The following PLCB1 variants were observed in gnomAD, a reference collection of about 807,000 sequenced individuals.
The protein encoded by PLCB1 is 1-phosphatidylinositol 4,5-bisphosphate phosphodiesterase beta-1.
Under a neutral mutation model 161.8 loss-of-function variants are expected in PLCB1, and 46 were observed. That is an observed-to-expected ratio of 0.28 (90% CI 0.22 to 0.36). PLCB1 has a LOEUF of 0.36. Among genes scored for constraint, PLCB1 ranks in the 10% least tolerant of loss-of-function variants. The pLI, the probability that PLCB1 is intolerant of heterozygous loss-of-function variation, is 1.00. For synonymous variants in PLCB1, 517 were observed against 503.7 expected (o/e 1.03, Z -0.35); for missense variants, 1,016 against 1,472.5 (o/e 0.69, Z 5.07).
chr20:8,182,943 C>T (rs985578914), intron 2 of PLCB1, among the ~76,000 whole-genome samples: 4 of 151,320 alleles, frequency 2.6e-5, no homozygotes, highest in African/African-American at 9.8e-5. Context: ...CCTTAACTAA[C>T]TATTAGAATA....
At chr20:8,179,072 C>T (rs544295275) in intron 2 of PLCB1, among the ~76,000 whole-genome samples, 2 of 152,258 alleles carry the variant, frequency 1.3e-5, no homozygotes, top group African/African-American at 4.8e-5. Flanking sequence ...TAATGTGATG[C>T]CTCCAGCTTT....
chr20:8,869,194 T>TTA (rs200553765), intron 31 of PLCB1, among the ~76,000 whole-genome samples: 92 of 151,460 alleles, frequency 6.1e-4, no homozygotes, highest in Admixed American at 1.4e-3. Flanking sequence ...ATCTTGATTA[T>TTA]TTTTTTTTAT....
chr20:8,772,510 G>A (rs375380092), intron 26 of PLCB1, among the ~76,000 whole-genome samples: 3 of 152,104 alleles, frequency 2.0e-5, no homozygotes, highest in East Asian at 3.9e-4. Flanking sequence ...TGGGTATACC[G>A]ACTTACTCGG....
At chr20:8,269,590 A>G (rs1391592735) in intron 2 of PLCB1, among the ~76,000 whole-genome samples, 1 of 152,150 alleles carries the variant, frequency 6.6e-6, no homozygotes, top group Admixed American at 6.6e-5. Flanking sequence ...GTAATAAAGA[A>G]AACTGATTGT....
intron 1 of PLCB1, among the ~76,000 whole-genome samples, chr20:8,144,285 C>A (rs2051432076): frequency 6.6e-6 from 1 of 152,152 alleles, no homozygotes. Context: ...CCCCACTAAG[C>A]CAGGAGCACC....
intron 3 of PLCB1, among the ~76,000 whole-genome samples, chr20:8,493,134 C>G (rs1983018582): frequency 6.6e-6 from 1 of 152,086 alleles, no homozygotes; most frequent in Non-Finnish European, 1.5e-5. Context: ...TTTGAATACT[C>G]ATGGGCTGCT....
At chr20:8,869,968 A>T (rs1389082520) in intron 31 of PLCB1, among the ~76,000 whole-genome samples, 7 of 152,246 alleles carry the variant, frequency 4.6e-5, no homozygotes, top group Non-Finnish European at 1.0e-4. Flanking sequence ...GACATGCCAT[A>T]GGAATAGGAG....
At chr20:8,830,977 G>A (rs572086697) in intron 31 of PLCB1, among the ~76,000 whole-genome samples, 82 of 152,274 alleles carry the variant, frequency 5.4e-4, no homozygotes, top group African/African-American at 1.8e-3. Context: ...ATTGGCCCCC[G>A]CATCTCTCTG....
At chr20:8,861,931 G>C (rs1375721909) in intron 31 of PLCB1, among the ~76,000 whole-genome samples, 1 of 152,000 alleles carries the variant, frequency 6.6e-6, no homozygotes, top group African/African-American at 2.4e-5. Flanking sequence ...TTGACTTATT[G>C]GAAAACATTG....
At chr20:8,658,100 T>A (rs1201863527) in intron 8 of PLCB1, among the ~76,000 whole-genome samples, 1 of 152,192 alleles carries the variant, frequency 6.6e-6, no homozygotes, top group African/African-American at 2.4e-5. Context: ...GAAGCCTAAC[T>A]GTAACTTTTA....
At chr20:8,709,228 T>A (rs1978860745) in intron 12 of PLCB1, among the ~76,000 whole-genome samples, 1 of 152,220 alleles carries the variant, frequency 6.6e-6, no homozygotes, top group Admixed American at 6.5e-5. Flanking sequence ...CCCTTTTCAC[T>A]GGCTTTCCCC....
At chr20:8,288,321 G>A (rs1254717107) in intron 2 of PLCB1, among the ~76,000 whole-genome samples, 3 of 152,174 alleles carry the variant, frequency 2.0e-5, no homozygotes, top group Non-Finnish European at 2.9e-5. Context: ...GTCAAAGAAA[G>A]AAAATTCTGG....
intron 2 of PLCB1, among the ~76,000 whole-genome samples, chr20:8,358,028 A>T (rs2122286858): frequency 6.7e-6 from 1 of 148,830 alleles, no homozygotes; most frequent in African/African-American, 2.5e-5. Flanking sequence ...CTTCATCATC[A>T]AACAGCAAGC....
At chr20:8,452,572 A>G (rs547239676) in intron 3 of PLCB1, among the ~76,000 whole-genome samples, 2 of 152,348 alleles carry the variant, frequency 1.3e-5, no homozygotes, top group African/African-American at 4.8e-5. Flanking sequence ...GAAGAACATC[A>G]CTGAAGAGAG....
At chr20:8,768,572 A>G (rs1051273728) in intron 26 of PLCB1, among the ~76,000 whole-genome samples, 2 of 152,232 alleles carry the variant, frequency 1.3e-5, no homozygotes, top group Admixed American at 6.5e-5. Context: ...TCTATGTACT[A>G]TTCCATATAT....
chr20:8,279,095 T>C (rs1035879218), intron 2 of PLCB1, among the ~76,000 whole-genome samples: 2 of 152,100 alleles, frequency 1.3e-5, no homozygotes, highest in African/African-American at 2.4e-5. Context: ...AAAAAGTTTA[T>C]CCATTCCTCA....
chr20:8,788,545 A>G lies in PLCB1; in HGVS notation c.3188+20A>G, dbSNP rs373094043. ...TGAGAAGTAAGCCCTCATTCCCATT[A>G]CAATTGACATGTGCATCTGAATTTA... On this transcript the variant is annotated intron_variant, in intron 28 of 31. Coordinates refer to ENST00000338037, the MANE Select transcript of PLCB1 (RefSeq NM_015192.4). 27 of 1,607,856 alleles carry G rather than the reference A, an allele frequency of 1.7e-5. No individual in the cohort carries two copies. The highest frequency in any genetic ancestry group is 2.2e-5 in the Non-Finnish European group (26 of 1,175,604).
intron 2 of PLCB1, among the ~76,000 whole-genome samples, chr20:8,188,314 ATC>A (rs1176212599): frequency 6.6e-6 from 1 of 152,146 alleles, no homozygotes; most frequent in East Asian, 1.9e-4. Flanking sequence ...CAAGCCCAAC[ATC>A]AAATGGTCTA....
intron 3 of PLCB1, among the ~76,000 whole-genome samples, chr20:8,421,813 C>A (rs539241402): frequency 2.0e-5 from 3 of 152,272 alleles, no homozygotes; most frequent in African/African-American, 7.2e-5. Flanking sequence ...TTCTCAGGTC[C>A]AGTCTTATAT....
Sources: gnomAD v4.1 joint callset for allele counts (sites outside exome capture counted in the v4.1 genomes callset) on GRCh38, gnomAD v4.1.1 for gene constraint, MANE v1.5 for transcripts, NCBI Gene and HGNC (gene_info 2026-07-23, HGNC 2026-07-21) for gene names.